The following A2M variants were observed in gnomAD, a reference collection of about 807,000 sequenced individuals.
The protein encoded by A2M is C3 and PZP-like alpha-2-macroglobulin domain-containing protein 5.
A neutral mutation model predicts 183.9 loss-of-function variants in A2M; 128 were observed. That is an observed-to-expected ratio of 0.70 (90% CI 0.60 to 0.81). The LOEUF (loss-of-function observed/expected upper bound fraction) is 0.81. Ranked by LOEUF, A2M falls within the 30% of genes least tolerant of loss-of-function variation. The pLI, the probability that A2M is intolerant of heterozygous loss-of-function variation, is 0.00. For synonymous variants in A2M, 592 were observed against 670.8 expected, an observed-to-expected ratio of 0.88 and a Z score of 1.81; for missense variants, 1,495 against 1,787.6, an observed-to-expected ratio of 0.84 and a Z score of 2.95.
chr12:9,114,927 A>G (rs1314839615), intron 1 of A2M, among the ~76,000 whole-genome samples: 1 of 152,220 alleles, frequency 6.6e-6, no homozygotes, highest in African/African-American at 2.4e-5. Flanking sequence ...TAAAATTAAA[A>G]TACTTTTGAA....
chr12:9,083,835 G>A (rs769134113), intron 22 of A2M, among the ~76,000 whole-genome samples: 1 of 149,762 alleles, frequency 6.7e-6, no homozygotes, highest in South Asian at 2.1e-4. Flanking sequence ...AGGCACAGAG[G>A]TCTCCAGTGA....
At chr12:9,070,435 G>T (rs1006589456) in intron 32 of A2M, 53 bp downstream of exon 32, 1 of 1,175,098 alleles carries the variant, frequency 8.5e-7, no homozygotes, top group Non-Finnish European at 1.3e-6. Context: ...TTATGCTGGG[G>T]ATACATACAT....
In A2M at chr12:9,083,754, G is replaced by GA. The variant is rs58917708; in HGVS notation, c.2771-3578dup. Among the ~76,000 whole-genome samples, 177 of 142,518 alleles carry GA rather than the reference G, an allele frequency of 1.2e-3. 1 individual carries two copies. Among genetic ancestry groups the GA allele is most frequent in the African/African-American group, 3.3e-3 (130 of 39,352 alleles). The allele number at this position is 142,518 out of a possible 152,430, so 93.5% of individuals were successfully genotyped here. A position where few individuals can be genotyped will look rare whatever the true frequency, so the allele number is the denominator to read the frequency against. The stretch of plus-strand genomic sequence containing the variant: ...AATGAAAAAAAAGAGTATAGAATCA[G>GA]AAAAAAAAAAAAGCAGTAAGGGCTG... On this transcript the variant is annotated intron_variant, in intron 22 of 35. Transcript: ENST00000318602.
At chr12:9,107,675 A>C in intron 7 of A2M, 31 bp from the exon 8 acceptor site, 1 of 1,610,246 alleles carries the variant, frequency 6.2e-7, no homozygotes, top group African/African-American at 1.3e-5. Flanking sequence ...AAGGAATCAG[A>C]GCAGACACTG....
At chr12:9,068,430 C>T (rs935766562) in intron 34 of A2M, among the ~76,000 whole-genome samples, 2 of 152,074 alleles carry the variant, frequency 1.3e-5, no homozygotes, top group African/African-American at 4.8e-5. Context: ...TCTTTTATCC[C>T]AAACTCCTGA....
At chr12:9,093,147 A>C (rs1450209234) in intron 18 of A2M, among the ~76,000 whole-genome samples, 1 of 152,210 alleles carries the variant, frequency 6.6e-6, no homozygotes, top group Non-Finnish European at 1.5e-5. Context: ...CGTAGGATGA[A>C]TAAATTTAGA....
rs1592400236 is a variant in A2M, at chr12:9,113,508, G to T, written c.122C>A (p.Thr41Asn). 1.9e-6 allele frequency: 3 copies of T among 1,613,982 alleles called. No individual in the cohort carries two copies. Among genetic ancestry groups the T allele is most frequent in the Non-Finnish European group, 2.5e-6 (3 of 1,179,956 alleles). ...GACACAGCCCTTCTCAGTGGTCTCA[G>T]TGTGGAGCAGGGAGGGGACCAGAAC... ...YMVLVPSLLH[T>N]ETTEKGCVLL... The change falls in exon 2 of 36, where the codon ACT becomes AAT. Residue 41 changes from threonine to asparagine, a missense_variant. Transcript: ENST00000318602.
chr12:9,109,683 G>A (rs1351834801), intron 6 of A2M, among the ~76,000 whole-genome samples, 184 bp downstream of exon 6: 1 of 152,114 alleles, frequency 6.6e-6, no homozygotes, highest in Non-Finnish European at 1.5e-5. Flanking sequence ...AGAAAATAAC[G>A]AAGCTATGTG....
At chr12:9,094,495 T>G (rs1949315324) in intron 17 of A2M, among the ~76,000 whole-genome samples, 1 of 151,282 alleles carries the variant, frequency 6.6e-6, no homozygotes. Context: ...CTGATTCTCC[T>G]TAAATGCTTT....
At chr12:9,109,613 G>C (rs1423722593) in intron 6 of A2M, among the ~76,000 whole-genome samples, 1 of 152,102 alleles carries the variant, frequency 6.6e-6, no homozygotes, top group Admixed American at 6.5e-5. Flanking sequence ...AATTAATTAT[G>C]GAAAACTCCA....
chr12:9,101,274 A>G (rs1937824816), intron 12 of A2M, 67 bp from the exon 13 acceptor site: 1 of 1,494,544 alleles, frequency 6.7e-7, no homozygotes, highest in Non-Finnish European at 9.1e-7. Flanking sequence ...TCACTTCAAT[A>G]TACTTGTTTT....
chr12:9,103,477 G>C (rs1277527584), intron 11 of A2M, among the ~76,000 whole-genome samples: 1 of 151,998 alleles, frequency 6.6e-6, no homozygotes, highest in Non-Finnish European at 1.5e-5. Context: ...GTACAGTTTG[G>C]TAGTATTAAG....
intron 22 of A2M, among the ~76,000 whole-genome samples, chr12:9,082,108 G>T (rs1401098285): frequency 6.6e-6 from 1 of 152,136 alleles, no homozygotes; most frequent in Non-Finnish European, 1.5e-5. Flanking sequence ...AAATATGCTT[G>T]ACCTGGGAGT....
At chr12:9,068,356 A>G in intron 34 of A2M, 132 bp from the exon 35 acceptor site, 1 of 892,686 alleles carries the variant, frequency 1.1e-6, no homozygotes, top group Non-Finnish European at 1.7e-6. Flanking sequence ...AAACATAAGC[A>G]TCATTCATCT....
intron 15 of A2M, 42 bp from the exon 16 acceptor site, chr12:9,095,742 C>CTTTTTTTTTTTTTT (rs34176052): frequency 7.2e-6 from 2 of 276,800 alleles, no homozygotes. Flanking sequence ...TTATTTGTGA[C>CTTTTTTTTTTTTTT]TTTTTTTTTT....
At chr12:9,097,861 G>A (rs756131178) in intron 15 of A2M, among the ~76,000 whole-genome samples, 25 of 152,234 alleles carry the variant, frequency 1.6e-4, no homozygotes, top group African/African-American at 6.0e-4. Flanking sequence ...TCAAACTCCT[G>A]ATCTCAAGTT....
chr12:9,112,061 C>T (rs1397416360), intron 4 of A2M, 98 bp downstream of exon 4: 2 of 1,117,026 alleles, frequency 1.8e-6, no homozygotes, highest in Non-Finnish European at 2.7e-6. Flanking sequence ...GTTAATGATA[C>T]CAGATTCTTC....
At chr12:9,090,538 G>A in intron 19 of A2M, 56 bp from the exon 20 acceptor site, 1 of 1,577,056 alleles carries the variant, frequency 6.3e-7, no homozygotes, top group Non-Finnish European at 8.7e-7. Context: ...AGGGAGAATG[G>A]GTTTGAAGTA....
At chr12:9,074,311 C>T (rs1309691469) in intron 29 of A2M, among the ~76,000 whole-genome samples, 1 of 152,032 alleles carries the variant, frequency 6.6e-6, no homozygotes, top group Non-Finnish European at 1.5e-5. Context: ...TTGAGGAAGG[C>T]AGTGTTGTTA....
Sources: allele counts gnomAD v4.1 joint callset (sites outside exome capture counted in the v4.1 genomes callset), GRCh38; gene constraint gnomAD v4.1.1; transcripts MANE v1.5; gene names NCBI Gene and HGNC (gene_info 2026-07-23, HGNC 2026-07-21).